Variants in CACNB4 observed in about 807,000 individuals in gnomAD.
The protein encoded by CACNB4 is voltage-dependent L-type calcium channel subunit beta-4.
Under a neutral mutation model 71.2 loss-of-function variants are expected in CACNB4, and 32 were observed. The ratio of observed to expected loss-of-function variants is 0.45; its 90% CI spans 0.34 to 0.60. The LOEUF (loss-of-function observed/expected upper bound fraction) is 0.60, where lower values mean the gene tolerates loss of function less well. Ranked by LOEUF, CACNB4 falls within the 20% of genes least tolerant of loss-of-function variation. CACNB4 has a pLI of 0.01. For missense variants in CACNB4, 464 were observed against 647.9 expected (o/e 0.72, Z 3.08); for synonymous variants, 231 against 236.9 (o/e 0.97, Z 0.23).
chr2:151,897,298 G>C (rs935365176), intron 2 of CACNB4, among the ~76,000 whole-genome samples: 1 of 152,186 alleles, frequency 6.6e-6, no homozygotes, highest in African/African-American at 2.4e-5. Context: ...AAAGATGTCA[G>C]CCTAGTGCCA....
chr2:151,921,853 G>C (rs755187168), intron 2 of CACNB4, among the ~76,000 whole-genome samples: 1 of 152,040 alleles, frequency 6.6e-6, no homozygotes, highest in Non-Finnish European at 1.5e-5. Flanking sequence ...GCTCCACCAC[G>C]GTTAAGATGT....
intron 2 of CACNB4, among the ~76,000 whole-genome samples, chr2:151,915,115 C>T (rs1242976036): frequency 6.6e-6 from 1 of 152,190 alleles, no homozygotes; most frequent in Non-Finnish European, 1.5e-5. Context: ...ACTGCGGCCA[C>T]ACCTCCCCCT....
chr2:151,971,395 C>A (rs2151730067), intron 2 of CACNB4: 1 of 635,948 alleles, frequency 1.6e-6, no homozygotes, highest in East Asian at 2.7e-5. Context: ...GGTTCCCCAA[C>A]CCCCACCCCC....
intron 2 of CACNB4, among the ~76,000 whole-genome samples, chr2:152,085,813 TAAA>T (rs765391237): frequency 1.4e-4 from 16 of 113,902 alleles, no homozygotes; most frequent in Non-Finnish European, 2.3e-4. Context: ...CTGCAGCCAT[TAAA>T]AAAAAAAAAA....
intron 2 of CACNB4, among the ~76,000 whole-genome samples, chr2:151,957,575 C>T (rs574732332): frequency 6.6e-6 from 1 of 152,258 alleles, no homozygotes; most frequent in African/African-American, 2.4e-5. Context: ...AAACTAAGTG[C>T]TGTGTGCACT....
intron 2 of CACNB4, among the ~76,000 whole-genome samples, chr2:152,064,288 A>G (rs1196009822): frequency 6.6e-6 from 1 of 152,240 alleles, no homozygotes; most frequent in African/African-American, 2.4e-5. Flanking sequence ...GAGTGCAGGA[A>G]GAAAATATTC....
At chr2:151,862,619 G>A (rs966004177) in intron 9 of CACNB4, among the ~76,000 whole-genome samples, 1 of 152,122 alleles carries the variant, frequency 6.6e-6, no homozygotes, top group African/African-American at 2.4e-5. Flanking sequence ...CTGCATTTCT[G>A]TTTTCTGCAT....
At chr2:151,985,442 T>C (rs774684188) in intron 2 of CACNB4, among the ~76,000 whole-genome samples, 4 of 152,190 alleles carry the variant, frequency 2.6e-5, no homozygotes, top group Non-Finnish European at 5.9e-5. Context: ...TTTCTTGGGC[T>C]AGATTCCCAT....
intron 2 of CACNB4, among the ~76,000 whole-genome samples, chr2:151,921,211 G>T (rs567898001): frequency 4.0e-4 from 61 of 151,426 alleles, no homozygotes; most frequent in Non-Finnish European, 7.8e-4. Flanking sequence ...TTACTTGATT[G>T]GTTTAGGAAT....
intron 5 of CACNB4, among the ~76,000 whole-genome samples, chr2:151,876,099 A>G (rs1349008154): frequency 2.0e-5 from 3 of 152,112 alleles, no homozygotes; most frequent in African/African-American, 7.2e-5. Flanking sequence ...GCGAACCAAG[A>G]GGAGCCATAC....
At chr2:152,060,111 C>A (rs138781734) in intron 2 of CACNB4, among the ~76,000 whole-genome samples, 1 of 152,304 alleles carries the variant, frequency 6.6e-6, no homozygotes, top group Non-Finnish European at 1.5e-5. Flanking sequence ...ATTACCCAGT[C>A]TTGGGTGTTT....
chr2:151,933,893 T>G (rs1437224200), intron 2 of CACNB4, among the ~76,000 whole-genome samples: 1 of 152,198 alleles, frequency 6.6e-6, no homozygotes, highest in Non-Finnish European at 1.5e-5. Context: ...GTGATCAAAT[T>G]CATTAAAGCA....
At chr2:152,067,239 T>G (rs989386482) in intron 2 of CACNB4, among the ~76,000 whole-genome samples, 1 of 152,212 alleles carries the variant, frequency 6.6e-6, no homozygotes, top group African/African-American at 2.4e-5. Context: ...AATGGACACA[T>G]GCTTCTGCAT....
rs1437956405 is a variant in CACNB4 at position 152,054,292 on chromosome 2, G to A, written c.147+44038C>T. ...GAGGCAGGAGAATGGCGTGAACCCG[G>A]GAGGCGGAGCTTGCAGTGAGCCGAG... is the stretch of plus-strand genomic sequence containing the variant. On this transcript the variant is annotated intron_variant, in intron 2 of 13. Transcript: ENST00000539935. Among the ~76,000 whole-genome samples the A allele has an allele frequency of 2.7e-5, 4 of 150,136 alleles. No homozygotes were observed. In the Admixed American group the frequency reaches 2.7e-4, roughly 10 times the overall value.
intron 2 of CACNB4, among the ~76,000 whole-genome samples, chr2:151,996,460 G>C (rs1682049009): frequency 1.4e-5 from 2 of 143,764 alleles, no homozygotes; most frequent in Non-Finnish European, 3.0e-5. Flanking sequence ...CTGGGCAACA[G>C]AGCAAGACCC....
intron 2 of CACNB4, among the ~76,000 whole-genome samples, chr2:152,049,506 C>T (rs973317171): frequency 3.3e-5 from 5 of 152,148 alleles, no homozygotes; most frequent in African/African-American, 1.2e-4. Flanking sequence ...ATTCTTTTTT[C>T]AGATCCCTTT....
At chr2:152,088,181 ACACG>A (rs1687771742) in intron 2 of CACNB4, among the ~76,000 whole-genome samples, 4 of 151,804 alleles carry the variant, frequency 2.6e-5, no homozygotes, top group African/African-American at 9.7e-5. Flanking sequence ...ACACACACAC[ACACG>A]GCAAATTAAA....
intron 2 of CACNB4, among the ~76,000 whole-genome samples, chr2:151,999,515 T>C (rs1294321600): frequency 6.6e-6 from 1 of 152,150 alleles, no homozygotes; most frequent in African/African-American, 2.4e-5. Context: ...ACAGCCCCAG[T>C]CCACTCCTTT....
At chr2:152,055,613 G>T (rs1026940995) in intron 2 of CACNB4, among the ~76,000 whole-genome samples, 2 of 152,156 alleles carry the variant, frequency 1.3e-5, no homozygotes, top group Non-Finnish European at 2.9e-5. Flanking sequence ...GCTGTGCTCT[G>T]ATTATCACTT....
Sources: allele counts gnomAD v4.1 joint callset (sites outside exome capture counted in the v4.1 genomes callset), GRCh38; gene constraint gnomAD v4.1.1; transcripts MANE v1.5; gene names NCBI Gene and HGNC (gene_info 2026-07-23, HGNC 2026-07-21).